Variants in TTLL11 observed in about 807,000 individuals in gnomAD.
TTLL11 encodes the protein tubulin tyrosine ligase like 11.
TTLL11 carries 42 observed loss-of-function variants against 51.7 expected under a neutral mutation model. The ratio of observed to expected loss-of-function variants is 0.81; its 90% CI spans 0.64 to 1.05. TTLL11 has a LOEUF of 1.05. Ranked by LOEUF, TTLL11 falls within the 50% of genes least tolerant of loss-of-function variation. The probability of loss-of-function intolerance (pLI) is 0.00; values close to 1 mark genes in which losing one functional copy is unlikely to be tolerated. For synonymous variants in TTLL11, 381 were observed against 383.5 expected, an observed-to-expected ratio of 0.99 and a Z score of 0.08; for missense variants, 799 against 940.4, an observed-to-expected ratio of 0.85 and a Z score of 1.97.
In TTLL11 at chr9:121,890,701, T is replaced by C. The variant is rs1428699976; in HGVS notation, c.1482-19953A>G. Among the ~76,000 whole-genome samples, 4 of 152,248 alleles carry C rather than the reference T, an allele frequency of 2.6e-5. No homozygotes were observed. Among genetic ancestry groups the C allele is most frequent in the African/African-American group, 4.8e-5 (2 of 41,476 alleles). ...TAATGGCAGTTCACAAAGGCAGGTA[T>C]TGTTGACAGTTTTGTGCACTGCTGA... On this transcript the variant is annotated intron_variant, in intron 6 of 8. Coordinates refer to ENST00000321582, the MANE Select transcript of TTLL11 (RefSeq NM_001139442.2). The surrounding 1 kb of genome is among the most constrained non-coding windows in gnomAD (Gnocchi z 4.3).
At chr9:121,953,365 G>T (rs1360063583) in intron 6 of TTLL11, among the ~76,000 whole-genome samples, 1 of 152,130 alleles carries the variant, frequency 6.6e-6, no homozygotes, top group East Asian at 1.9e-4. Flanking sequence ...AGGCACTGTG[G>T]CTCACGTGTG....
intron 6 of TTLL11, among the ~76,000 whole-genome samples, chr9:121,932,317 G>C (rs188846057): frequency 6.6e-6 from 1 of 152,164 alleles, no homozygotes; most frequent in East Asian, 1.9e-4. Flanking sequence ...TAAATATTTC[G>C]TTTCTAAGAA....
At chr9:122,068,555 G>A (rs1169059197) in intron 1 of TTLL11, among the ~76,000 whole-genome samples, 2 of 151,976 alleles carry the variant, frequency 1.3e-5, no homozygotes, top group Non-Finnish European at 1.5e-5. Flanking sequence ...TCTAAGGTGG[G>A]GGTTATTATA....
rs1286511275 is a variant in TTLL11 at position 121,870,483 on chromosome 9, C to T, written c.1733+14G>A. 1.3e-6 allele frequency: 2 copies of T among 1,549,482 alleles called. No homozygotes were observed. The highest frequency in any genetic ancestry group is 2.0e-5 in the Admixed American group (1 of 50,892). On this transcript the variant is annotated intron_variant, in intron 7 of 8. Transcript: ENST00000321582. ...AGCCCAAAGCCCAAGCCAGAGGGGGCTGTTCTCACTGACCTTATGAAGGTA... is the reference window on the plus strand; with the variant it reads ...AGCCCAAAGCCCAAGCCAGAGGGGGTTGTTCTCACTGACCTTATGAAGGTA...
chr9:121,828,066 T>C (rs1836875465), intron 8 of TTLL11, among the ~76,000 whole-genome samples: 1 of 152,206 alleles, frequency 6.6e-6, no homozygotes, highest in South Asian at 2.1e-4. Context: ...ATAGAGCCCA[T>C]GCATGGCCTT....
intron 1 of TTLL11, among the ~76,000 whole-genome samples, chr9:122,062,865 G>C (rs965382144): frequency 2.6e-5 from 4 of 151,172 alleles, no homozygotes; most frequent in Non-Finnish European, 5.9e-5. Context: ...CCGTAGCCTT[G>C]ACCTCCCAGG....
At chr9:121,903,835 A>C (rs1019595053) in intron 6 of TTLL11, among the ~76,000 whole-genome samples, 1 of 152,326 alleles carries the variant, frequency 6.6e-6, no homozygotes, top group Middle Eastern at 3.4e-3. Context: ...AATTAAAAGG[A>C]TTAGGTAAAT....
chr9:122,008,855 T>C (rs1843724444), intron 3 of TTLL11, among the ~76,000 whole-genome samples: 1 of 152,202 alleles, frequency 6.6e-6, no homozygotes, highest in Admixed American at 6.5e-5. Flanking sequence ...GGAATATAGT[T>C]CAGCCTTAAG....
At chr9:121,879,741 AGAAC>A (rs1838706555) in intron 6 of TTLL11, among the ~76,000 whole-genome samples, 1 of 140,108 alleles carries the variant, frequency 7.1e-6, no homozygotes, top group Admixed American at 7.1e-5. Context: ...CTGAGGTGGG[AGAAC>A]TGCTTGAAGC....
intron 6 of TTLL11, among the ~76,000 whole-genome samples, chr9:121,914,084 A>G (rs1840237048): frequency 6.6e-6 from 1 of 152,262 alleles, no homozygotes; most frequent in Non-Finnish European, 1.5e-5. Flanking sequence ...CTCGGAAGCT[A>G]GGATTTGATC....
chr9:122,039,344 A>C lies in TTLL11; in HGVS notation c.487T>G (p.Cys163Gly). The C allele has an allele frequency of 6.2e-7, 1 of 1,614,108 alleles. No homozygotes were observed. Among genetic ancestry groups the C allele is most frequent in the Non-Finnish European group, 8.5e-7 (1 of 1,179,950 alleles). Reference sequence around the variant, plus strand: ...GAAACTCCATGCCAGTAGATGTCACAAGGCAAGCGCCGGCCAAATGGGAAC... The same window carrying C: ...GAAACTCCATGCCAGTAGATGTCACCAGGCAAGCGCCGGCCAAATGGGAAC... ...KEFPFGRRLP[C>G]DIYWHGVSFH... Residue 163 changes from cysteine (C) to glycine (G), a missense_variant, in exon 2 of 9, where the codon TGT (cysteine) becomes GGT (glycine). Coordinates refer to ENST00000321582, the MANE Select transcript of TTLL11 (RefSeq NM_001139442.2).
intron 4 of TTLL11, among the ~76,000 whole-genome samples, chr9:121,978,512 CA>C (rs1842764336): frequency 6.6e-6 from 1 of 151,898 alleles, no homozygotes; most frequent in South Asian, 2.1e-4. Flanking sequence ...TCACTTTGTG[CA>C]GACAAGGAAT....
intron 6 of TTLL11, among the ~76,000 whole-genome samples, chr9:121,931,730 T>C (rs1840990941): frequency 6.6e-6 from 1 of 152,096 alleles, no homozygotes; most frequent in East Asian, 1.9e-4. Context: ...TAGAGGGCTC[T>C]CTGAGGGCCC....
At chr9:122,030,828 C>T (rs890465834) in intron 3 of TTLL11, among the ~76,000 whole-genome samples, 11 of 150,778 alleles carry the variant, frequency 7.3e-5, no homozygotes, top group African/African-American at 2.7e-4. Context: ...GTAGTCCCAG[C>T]TACTCAGAAG....
intron 3 of TTLL11, among the ~76,000 whole-genome samples, chr9:122,013,842 T>C (rs1843887119): frequency 6.6e-6 from 1 of 152,242 alleles, no homozygotes; most frequent in Non-Finnish European, 1.5e-5. Context: ...GTGCTCCAAC[T>C]GAAACCCTGG....
chr9:122,074,978 T>G (rs770426889), intron 1 of TTLL11, among the ~76,000 whole-genome samples: 24 of 152,186 alleles, frequency 1.6e-4, no homozygotes, highest in Non-Finnish European at 3.1e-4. Context: ...GATAGATGAT[T>G]GATGAGTCCC....
At chr9:122,059,298 T>A (rs527488513) in intron 1 of TTLL11, among the ~76,000 whole-genome samples, 1 of 152,362 alleles carries the variant, frequency 6.6e-6, no homozygotes, top group African/African-American at 2.4e-5. Context: ...ACTATTGCCA[T>A]GTTTGCTGAG....
intron 1 of TTLL11, among the ~76,000 whole-genome samples, chr9:122,055,623 T>C (rs1163187335): frequency 6.6e-6 from 1 of 152,170 alleles, no homozygotes; most frequent in Non-Finnish European, 1.5e-5. Context: ...CACTCAGTAT[T>C]AACCATCACA....
At position 122,039,387 on chromosome 9, in the gene TTLL11, G is replaced by A. The variant is rs1844783281; in HGVS notation, c.463-19C>T. The A allele has an allele frequency of 1.3e-6, 2 of 1,598,832 alleles. No homozygotes were observed. Among genetic ancestry groups the A allele is most frequent in the Middle Eastern group, 1.7e-4 (1 of 6,040 alleles). On this transcript the variant is annotated intron_variant, in intron 1 of 8. Transcript: ENST00000321582. ...ATGGGAACTAGAAGAGAAAAAATGT[G>A]ACTCGCAATAAGAATAAGAAGAGCA...
Sources: gnomAD v4.1 joint callset for allele counts (sites outside exome capture counted in the v4.1 genomes callset) on GRCh38, gnomAD v4.1.1 for gene constraint, Gnocchi (gnomAD v3.1) non-coding constraint, MANE v1.5 for transcripts, NCBI Gene and HGNC (gene_info 2026-07-23, HGNC 2026-07-21) for gene names.